The following ZC3H8 variants were observed in gnomAD, a reference collection of about 807,000 sequenced individuals.
ZC3H8 encodes zinc finger CCCH-type containing 8, also known as zinc finger CCCH domain-containing protein 8.
In ZC3H8, 27 loss-of-function variants were observed where a neutral mutation model predicts 42.5. The ratio of observed to expected loss-of-function variants is 0.64; its 90% confidence interval spans 0.47 to 0.88. The LOEUF is 0.88. Ranked by LOEUF, ZC3H8 falls within the 40% of genes least tolerant of loss-of-function variation. ZC3H8 has a pLI of 0.00. For synonymous variants in ZC3H8, 101 were observed against 110.1 expected, an observed-to-expected ratio of 0.92 and a Z score of 0.52; for missense variants, 277 against 336.1, an observed-to-expected ratio of 0.82 and a Z score of 1.37.
At chr2:112,250,377 A>C in intron 1 of ZC3H8, 105 bp from the exon 2 acceptor site, 1 of 668,310 alleles carries the variant, frequency 1.5e-6, no homozygotes. Context: ...CTTACCCTCA[A>C]AGAAATTACA....
intron 8 of ZC3H8, among the ~76,000 whole-genome samples, chr2:112,218,876 T>C (rs1684456381): frequency 1.3e-5 from 2 of 152,202 alleles, no homozygotes; most frequent in Admixed American, 1.3e-4. Flanking sequence ...GGGCCAAATG[T>C]ACTTAGGAAT....
chr2:112,213,021 G>A lies in ZC3H8; in HGVS notation c.*3463C>T, dbSNP rs1050858207. 3 of 144,740 alleles carry A rather than the reference G, an allele frequency of 2.1e-5. No homozygotes were observed. Among genetic ancestry groups the A allele is most frequent in the African/African-American group, 5.1e-5 (2 of 38,938 alleles). 9.0% of individuals were successfully genotyped at this position (144,740 alleles called of 1,614,324 possible). A position where few individuals can be genotyped will look rare whatever the true frequency, so the allele number is the denominator to read the frequency against. On this transcript the variant is annotated 3_prime_UTR_variant, in exon 9 of 9. Transcript: ENST00000409573. ...ACAAGGCTCTGTTGCCCAGGCTGGAGTGCAGTGGCACAATCAGGACTCACT... is the reference window on the plus strand; with the variant it reads ...ACAAGGCTCTGTTGCCCAGGCTGGAATGCAGTGGCACAATCAGGACTCACT...
At chr2:112,254,861 G>A (rs751028224) in intron 1 of ZC3H8, 47 bp downstream of exon 1, 1 of 1,592,074 alleles carries the variant, frequency 6.3e-7, no homozygotes, top group South Asian at 1.1e-5. Context: ...AAGAGGCGGA[G>A]TCCCGCTGAG....
Position 112,238,496 on chromosome 2 carries a change from C to A in ZC3H8, c.189G>T (p.Ser63=). 1 of 1,611,508 alleles carries A rather than the reference C, an allele frequency of 6.2e-7. No individual in the cohort carries two copies. Among genetic ancestry groups the A allele is most frequent in the Non-Finnish European group, 8.5e-7 (1 of 1,179,638 alleles). ...CCTTACTTCTTGATTTTCTATGCAG[C>A]GAACTTTTTGGTGATATTGCAGAGT... ...FRHSAISPKS[S]LHRKSRSKDY... Residue 63 remains serine, a synonymous_variant, in exon 3 of 9, where the codon TCG becomes TCT. Transcript: ENST00000409573.
chr2:112,234,966 G>C (rs1426794717), intron 4 of ZC3H8, among the ~76,000 whole-genome samples: 1 of 152,016 alleles, frequency 6.6e-6, no homozygotes, highest in African/African-American at 2.4e-5. Context: ...TGTGAGTTGA[G>C]CACACTTATC....
rs888951480 is a variant in ZC3H8 at position 112,216,452 on chromosome 2, T to C, written c.*32A>G. 1 of 152,288 alleles carries C rather than the reference T, an allele frequency of 6.6e-6. No homozygotes were observed. The highest frequency in any genetic ancestry group is 2.4e-5 in the African/African-American group (1 of 41,468). 9.4% of individuals were successfully genotyped at this position (152,288 alleles called of 1,614,324 possible). A position where few individuals can be genotyped will look rare whatever the true frequency, so the allele number is the denominator to read the frequency against. On this transcript the variant is annotated 3_prime_UTR_variant, in exon 9 of 9. Transcript: ENST00000409573. ...CACGCATGGGCGTTAAAGTACTCTTTATCTGTACATTGCTACCTACAGAAG... is the reference window on the plus strand; with the variant it reads ...CACGCATGGGCGTTAAAGTACTCTTCATCTGTACATTGCTACCTACAGAAG...
intron 6 of ZC3H8, 25 bp downstream of exon 6, chr2:112,233,235 C>G: frequency 7.7e-7 from 1 of 1,290,870 alleles, no homozygotes; most frequent in Non-Finnish European, 1.1e-6. Context: ...TTTATAAAGT[C>G]ACCATATCTT....
chr2:112,227,692 TA>T (rs1174628507), intron 8 of ZC3H8, among the ~76,000 whole-genome samples: 2 of 152,046 alleles, frequency 1.3e-5, no homozygotes, highest in Non-Finnish European at 2.9e-5. Context: ...AATGAACAAC[TA>T]AAAATAAAGT....
intron 8 of ZC3H8, among the ~76,000 whole-genome samples, chr2:112,230,163 G>A (rs1034131316): frequency 1.3e-5 from 2 of 152,160 alleles, no homozygotes; most frequent in Non-Finnish European, 2.9e-5. Context: ...TGCAAATTAA[G>A]TTACGAGATT....
intron 2 of ZC3H8, among the ~76,000 whole-genome samples, chr2:112,241,836 A>C (rs1685597199): frequency 6.6e-6 from 1 of 152,248 alleles, no homozygotes; most frequent in Non-Finnish European, 1.5e-5. Flanking sequence ...TAATATTTTG[A>C]TAAACTGTAT....
chr2:112,240,978 TGTGTGTGC>T (rs1352455511), intron 2 of ZC3H8, among the ~76,000 whole-genome samples: 4 of 143,750 alleles, frequency 2.8e-5, no homozygotes, highest in African/African-American at 1.1e-4. Flanking sequence ...TGTGTGTGTG[TGTGTGTGC>T]GCGTGTGTAT....
chr2:112,241,337 G>A (rs1002987158), intron 2 of ZC3H8, among the ~76,000 whole-genome samples: 3 of 152,106 alleles, frequency 2.0e-5, no homozygotes, highest in Non-Finnish European at 4.4e-5. Flanking sequence ...CCACATGGAG[G>A]TACTAAATCT....
At chr2:112,247,368 A>T (rs1018311561) in intron 2 of ZC3H8, among the ~76,000 whole-genome samples, 1 of 152,164 alleles carries the variant, frequency 6.6e-6, no homozygotes, top group Non-Finnish European at 1.5e-5. Context: ...TGAGCTCAGG[A>T]GTTCGAGACC....
At chr2:112,254,835 CAATCCAGAAGAA>C (rs1344617570) in intron 1 of ZC3H8, 61 bp downstream of exon 1, 187 of 1,528,666 alleles carry the variant, frequency 1.2e-4, no homozygotes, top group Non-Finnish European at 1.6e-4. Context: ...GGACTGCCTC[CAATCCAGAAGAA>C]ACTAAGAGGC....
chr2:112,250,724 A>G (rs995799658), intron 1 of ZC3H8, among the ~76,000 whole-genome samples: 2 of 152,212 alleles, frequency 1.3e-5, no homozygotes, highest in African/African-American at 4.8e-5. Flanking sequence ...ATATATGGGG[A>G]ACACAACCCA....
At chr2:112,248,328 GAAAGAAAGA>G (rs1335864731) in intron 2 of ZC3H8, among the ~76,000 whole-genome samples, 2 of 144,610 alleles carry the variant, frequency 1.4e-5, no homozygotes, top group Non-Finnish European at 1.5e-5. Context: ...AGAAAAGAAA[GAAAGAAAGA>G]AAAGAAAGAA....
chr2:112,225,583 G>A (rs1684786148), intron 8 of ZC3H8, among the ~76,000 whole-genome samples: 1 of 152,210 alleles, frequency 6.6e-6, no homozygotes, highest in Non-Finnish European at 1.5e-5. Context: ...TTGGGAGGCT[G>A]AGGCGGGCAG....
At chr2:112,225,941 G>A (rs535438305) in intron 8 of ZC3H8, among the ~76,000 whole-genome samples, 1 of 152,106 alleles carries the variant, frequency 6.6e-6, no homozygotes, top group South Asian at 2.1e-4. Context: ...AATTAGCCGG[G>A]TGTGGTGGCG....
intron 8 of ZC3H8, among the ~76,000 whole-genome samples, chr2:112,218,506 A>G (rs1684428551): frequency 6.6e-6 from 1 of 152,276 alleles, no homozygotes; most frequent in East Asian, 1.9e-4. Context: ...CTACACACAA[A>G]CAATGAACAG....
Sources: allele counts gnomAD v4.1 joint callset (sites outside exome capture counted in the v4.1 genomes callset), GRCh38; gene constraint gnomAD v4.1.1; transcripts MANE v1.5; gene names NCBI Gene and HGNC (gene_info 2026-07-23, HGNC 2026-07-21).